ART3: variants seen among roughly 807,000 people sequenced by gnomAD.
ART3 encodes ADP-ribosyltransferase 3 (inactive).
In ART3, 49 loss-of-function variants were observed where a neutral mutation model predicts 48.5. The ratio of observed to expected loss-of-function variants is 1.01; its 90% CI spans 0.80 to 1.28. The LOEUF (loss-of-function observed/expected upper bound fraction) is 1.28, where lower values mean the gene tolerates loss of function less well. Ranked by LOEUF, ART3 falls within the 50% of genes most tolerant of loss-of-function variation. The pLI, the probability that ART3 is intolerant of heterozygous loss-of-function variation, is 0.00. For synonymous variants in ART3, 145 were observed against 157.2 expected (o/e 0.92, Z 0.58); for missense variants, 438 against 454.3 (o/e 0.96, Z 0.33).
chr4:76,042,678 G>A (rs1735081646), intron 1 of ART3, among the ~76,000 whole-genome samples: 1 of 151,674 alleles, frequency 6.6e-6, no homozygotes, highest in Admixed American at 6.6e-5. Flanking sequence ...GTTCCTTCTG[G>A]TGGGTTCGTG....
chr4:76,058,372 G>T (rs1230056322), intron 1 of ART3, among the ~76,000 whole-genome samples: 3 of 152,146 alleles, frequency 2.0e-5, no homozygotes, highest in Non-Finnish European at 4.4e-5. Context: ...GGTCTGATTA[G>T]TGTACCTAAT....
chr4:76,034,867 C>T, intron 1 of ART3: 2 of 1,510,720 alleles, frequency 1.3e-6, no homozygotes, highest in Non-Finnish European at 1.8e-6. Context: ...CTTGTTTCCC[C>T]CAGGACATCT....
At chr4:76,104,673 G>C in intron 10 of ART3, 44 bp downstream of exon 10, 1 of 1,549,992 alleles carries the variant, frequency 6.5e-7, no homozygotes, top group Non-Finnish European at 8.7e-7. Context: ...TGCCAGTTTG[G>C]GGAGTACAGT....
At chr4:76,103,824 C>A in intron 8 of ART3, 113 bp from the exon 9 acceptor site, 1 of 941,554 alleles carries the variant, frequency 1.1e-6, no homozygotes, top group Non-Finnish European at 1.6e-6. Flanking sequence ...TTTCTTTCCC[C>A]CTGCCTTTTT....
At chr4:76,081,771 G>T (rs773062860) in intron 2 of ART3, 53 bp from the exon 3 acceptor site, 41 of 1,528,084 alleles carry the variant, frequency 2.7e-5, no homozygotes, top group Admixed American at 9.3e-5. Flanking sequence ...GAGAGAAAAT[G>T]ATATTCACTG....
At chr4:76,022,082 T>C (rs4859586) in intron 1 of ART3, 496,542 of 898,552 alleles carry the variant, frequency 0.55, 145,079 homozygotes, top group East Asian at 0.94. Context: ...TTATGGATTA[T>C]AGGGGTTGCT....
At chr4:76,011,192 C>G (rs1267050464), upstream of ART3, 1 of 152,444 alleles carries the variant, frequency 6.6e-6, no homozygotes, top group East Asian at 1.9e-4. Context: ...TCTTCCAGAA[C>G]CTTCTTCAGT....
intron 1 of ART3, chr4:76,035,872 A>T (rs1734342202): frequency 6.8e-7 from 1 of 1,471,082 alleles, no homozygotes; most frequent in Admixed American, 1.8e-5. Context: ...AAGAAAAGAC[A>T]TTTGAAACAT....
chr4:76,072,555 C>T (rs775137751), upstream of ART3, among the ~76,000 whole-genome samples: 1 of 151,922 alleles, frequency 6.6e-6, no homozygotes, highest in Non-Finnish European at 1.5e-5. Context: ...TTATAATAAC[C>T]TGTCATTTAG....
upstream of ART3, among the ~76,000 whole-genome samples, chr4:76,074,543 G>C (rs1720666155): frequency 6.6e-6 from 1 of 152,200 alleles, no homozygotes; most frequent in Admixed American, 6.5e-5. Flanking sequence ...AAAGGGAATT[G>C]CTATGGCTTT....
At chr4:76,033,529 C>A (rs970712755) in intron 1 of ART3, among the ~76,000 whole-genome samples, 2 of 152,048 alleles carry the variant, frequency 1.3e-5, no homozygotes, top group African/African-American at 4.8e-5. Context: ...ATCAAGACCC[C>A]CCAAGGCCGA....
intron 1 of ART3, among the ~76,000 whole-genome samples, chr4:76,064,266 C>T (rs982330295): frequency 6.6e-6 from 1 of 151,956 alleles, no homozygotes; most frequent in Non-Finnish European, 1.5e-5. Flanking sequence ...ACCATGATCA[C>T]CACTACCATC....
intron 1 of ART3, among the ~76,000 whole-genome samples, chr4:76,066,815 A>G (rs1004084165): frequency 5.9e-5 from 9 of 152,102 alleles, no homozygotes; most frequent in Non-Finnish European, 1.0e-4. Context: ...TCTGCCTCCT[A>G]CTACTCATGA....
chr4:76,107,719 A>G lies in ART3; in HGVS notation c.1004-42A>G, dbSNP rs1728742880. 4 of 1,287,258 alleles carry G rather than the reference A, an allele frequency of 3.1e-6. No individual in the cohort carries two copies. The South Asian group carries it at 5.3e-5, about 17-fold the overall frequency. The allele number at this position is 1,287,258 out of a possible 1,614,324, so 79.7% of individuals were successfully genotyped here. A position where few individuals can be genotyped will look rare whatever the true frequency, so the allele number is the denominator to read the frequency against. On this transcript the variant is annotated intron_variant, in intron 10 of 11. Transcript: ENST00000355810. The stretch of plus-strand genomic sequence containing the variant: ...TCAGATCTTTCTTTTCTGGATAAAC[A>G]GATATACAATATAACTAACTCAAAA...
chr4:76,045,411 A>T (rs979114892), intron 1 of ART3, among the ~76,000 whole-genome samples: 2 of 152,058 alleles, frequency 1.3e-5, no homozygotes, highest in African/African-American at 2.4e-5. Flanking sequence ...GGCACCTAGT[A>T]TGCCATTTAC....
rs191519437 is a variant in ART3 at position 76,041,785 on chromosome 4, T to G, written c.-10+30465T>G. On this transcript the variant is annotated intron_variant, in intron 1 of 9. Coordinates refer to the ART3 transcript ENST00000341029. ...TGAAGGTCTAGTTATTCATTTGGCATGTATTATATACTGACTCCATACTTA... is the reference window on the plus strand; with the variant it reads ...TGAAGGTCTAGTTATTCATTTGGCAGGTATTATATACTGACTCCATACTTA... Among the ~76,000 whole-genome samples the G allele has an allele frequency of 3.5e-3, 538 of 152,342 alleles. 2 individuals carry two copies. Among genetic ancestry groups the G allele is most frequent in the Non-Finnish European group, 5.7e-3 (388 of 68,020 alleles).
intron 8 of ART3, among the ~76,000 whole-genome samples, chr4:76,102,223 C>T (rs891540381): frequency 6.6e-6 from 1 of 152,212 alleles, no homozygotes; most frequent in Admixed American, 6.5e-5. Flanking sequence ...CAGTTTATTT[C>T]AGGCTACCTT....
At chr4:76,034,456 T>C (rs1734159896) in intron 1 of ART3, 2 of 499,348 alleles carry the variant, frequency 4.0e-6, no homozygotes, top group Non-Finnish European at 6.9e-6. Context: ...AATGCATGAA[T>C]GTATAATGCA....
chr4:76,104,057 T>C, intron 9 of ART3, 88 bp downstream of exon 9: 2 of 1,358,420 alleles, frequency 1.5e-6, no homozygotes, highest in Non-Finnish European at 2.1e-6. Context: ...CATGAGACTA[T>C]TATTCATGAA....
Sources: gnomAD v4.1 joint callset for allele counts (sites outside exome capture counted in the v4.1 genomes callset) on GRCh38, gnomAD v4.1.1 for gene constraint, MANE v1.5 for transcripts, NCBI Gene and HGNC (gene_info 2026-07-23, HGNC 2026-07-21) for gene names.